Variants in NUP50 observed in about 807,000 individuals in gnomAD.
NUP50 encodes nuclear pore complex protein Nup50.
A neutral mutation model predicts 36.8 loss-of-function variants in NUP50; 14 were observed. The ratio of observed to expected loss-of-function variants is 0.38; its 90% CI spans 0.25 to 0.59. The LOEUF is 0.59. Among genes scored for constraint, NUP50 ranks in the 20% least tolerant of loss-of-function variants. The pLI is 0.63. For synonymous variants in NUP50, 195 were observed against 210.8 expected, an observed-to-expected ratio of 0.93 and a Z score of 0.65; for missense variants, 455 against 564.6, an observed-to-expected ratio of 0.81 and a Z score of 1.97.
chr22:45,169,746 G>T (rs1479817747), intron 2 of NUP50, among the ~76,000 whole-genome samples: 1 of 152,226 alleles, frequency 6.6e-6, no homozygotes, highest in Non-Finnish European at 1.5e-5. Context: ...GGTAACGCCA[G>T]TGCCTGGGAA....
intron 5 of NUP50, chr22:45,179,270 C>T (rs2074328614): frequency 5.4e-6 from 1 of 184,348 alleles, no homozygotes; most frequent in African/African-American, 2.4e-5. Context: ...TTGATTTGTA[C>T]TTAGGAGATC....
chr22:45,188,017 A>G lies in NUP50; in HGVS notation c.*3362A>G, dbSNP rs226515. 0.74 allele frequency: 112,588 copies of G among 152,264 alleles called. 42,140 individuals are homozygous for G. Among genetic ancestry groups the G allele is most frequent in the East Asian group, 0.99 (5,161 of 5,188 alleles). 9.4% of individuals were successfully genotyped at this position (152,264 alleles called of 1,614,324 possible). The stretch of plus-strand genomic sequence containing the variant: ...TAAATGAAAAGTAAACAAAATCCCA[A>G]TGTGTGAGTCTTATGTTCCTCTGTG... On this transcript the variant is annotated 3_prime_UTR_variant, in exon 8 of 8. Transcript: ENST00000347635.
At chr22:45,177,262 C>T (rs2074290448) in intron 4 of NUP50, among the ~76,000 whole-genome samples, 1 of 152,150 alleles carries the variant, frequency 6.6e-6, no homozygotes, top group Non-Finnish European at 1.5e-5. Flanking sequence ...CTCACTGCAG[C>T]CACAACCTCC....
At chr22:45,181,981 A>G (rs1362341105) in intron 6 of NUP50, among the ~76,000 whole-genome samples, 1 of 152,240 alleles carries the variant, frequency 6.6e-6, no homozygotes, top group Non-Finnish European at 1.5e-5. Context: ...TTTCCGAATA[A>G]TGAGCCAGCA....
At chr22:45,179,471 C>T (rs1363655541) in intron 5 of NUP50, among the ~76,000 whole-genome samples, 1 of 152,216 alleles carries the variant, frequency 6.6e-6, no homozygotes, top group South Asian at 2.1e-4. Context: ...AGACAAGGCA[C>T]AAGGTCTGGG....
At position 45,175,874 on chromosome 22, in the gene NUP50, GCTC is replaced by G. The variant is rs1259444609; in HGVS notation, c.154-14_154-12del. ...TAGAAAGTACACTTACCTAATGTGT[GCTC>G]CTCCTTCATACTTCAGTCTGACACT... On this transcript the variant is annotated splice_polypyrimidine_tract_variant and intron_variant, in intron 3 of 7. Transcript: ENST00000347635. The G allele has an allele frequency of 1.2e-6, 2 of 1,612,992 alleles. No homozygotes were observed. The highest frequency in any genetic ancestry group is 1.3e-5 in the African/African-American group (1 of 74,808).
intron 4 of NUP50, among the ~76,000 whole-genome samples, chr22:45,177,393 C>G (rs929521098): frequency 2.6e-5 from 4 of 152,114 alleles, no homozygotes; most frequent in East Asian, 1.9e-4. Context: ...GTTGCCCAGG[C>G]TGGTCTCAAA....
chr22:45,169,087 A>C (rs751403925), intron 2 of NUP50, among the ~76,000 whole-genome samples: 40 of 152,064 alleles, frequency 2.6e-4, no homozygotes, highest in Admixed American at 5.2e-4. Context: ...TTTTTAGTAG[A>C]GACAGGGATT....
At chr22:45,183,721 AATG>A (rs1176908222) in intron 7 of NUP50, 5 of 499,986 alleles carry the variant, frequency 1.0e-5, no homozygotes, top group Non-Finnish European at 1.8e-5. Flanking sequence ...CTGTAAACAA[AATG>A]ATTTTTCATT....
chr22:45,168,589 A>G (rs2074132030), intron 2 of NUP50, among the ~76,000 whole-genome samples: 1 of 152,186 alleles, frequency 6.6e-6, no homozygotes, highest in African/African-American at 2.4e-5. Context: ...TTTAGTCATG[A>G]CTGAAGGCTG....
intron 3 of NUP50, 75 bp from the exon 4 acceptor site, chr22:45,175,819 T>A: frequency 6.8e-7 from 1 of 1,467,364 alleles, no homozygotes; most frequent in Non-Finnish European, 9.4e-7. Flanking sequence ...TTAGCCAAGA[T>A]GCTGTTGTCA....
At chr22:45,168,599 G>C (rs555710207) in intron 2 of NUP50, among the ~76,000 whole-genome samples, 42 of 152,194 alleles carry the variant, frequency 2.8e-4, no homozygotes, top group Non-Finnish European at 5.7e-4. Context: ...ACTGAAGGCT[G>C]AGTTAAGTGA....
At position 45,186,865 on chromosome 22, in the gene NUP50, G is replaced by A. The variant is rs901863435; in HGVS notation, c.*2210G>A. On this transcript the variant is annotated 3_prime_UTR_variant, in exon 8 of 8. Coordinates refer to ENST00000347635, the MANE Select transcript of NUP50 (RefSeq NM_007172.4). ...TTGATTATTAGTGTAAAGAGCCTGA[G>A]TATACGTGGATTTCATTGTAAAATT... is the stretch of plus-strand genomic sequence containing the variant. The A allele has an allele frequency of 2.0e-5, 3 of 152,596 alleles. No homozygotes were observed. Among genetic ancestry groups the A allele is most frequent in the African/African-American group, 4.8e-5 (2 of 41,460 alleles). The allele number at this position is 152,596 out of a possible 1,614,324, so 9.5% of individuals were successfully genotyped here.
Position 45,186,883 on chromosome 22 carries a change from G to A in NUP50, c.*2228G>A, listed in dbSNP as rs754906078. 6 of 152,502 alleles carry A rather than the reference G, an allele frequency of 3.9e-5. No individual in the cohort carries two copies. The highest frequency in any genetic ancestry group is 5.9e-5 in the Non-Finnish European group (4 of 68,050). 9.4% of individuals were successfully genotyped at this position (152,502 alleles called of 1,614,324 possible). ...AGCCTGAGTATACGTGGATTTCATTGTAAAATTTAACTCCTTGTCTTTTAC... is the reference window on the plus strand; with the variant it reads ...AGCCTGAGTATACGTGGATTTCATTATAAAATTTAACTCCTTGTCTTTTAC... On this transcript the variant is annotated 3_prime_UTR_variant, in exon 8 of 8. Transcript: ENST00000347635.
chr22:45,169,817 C>T (rs766454836), intron 2 of NUP50, among the ~76,000 whole-genome samples: 6 of 152,182 alleles, frequency 3.9e-5, no homozygotes, highest in African/African-American at 1.4e-4. Context: ...AGTCAGGGAA[C>T]ACTCTGCTCC....
chr22:45,180,657 C>T (rs192669350), intron 5 of NUP50, among the ~76,000 whole-genome samples: 3 of 152,266 alleles, frequency 2.0e-5, no homozygotes, highest in Admixed American at 1.3e-4. Flanking sequence ...GGATTACAGG[C>T]GTGAGCCACT....
At chr22:45,183,841 GACTA>G (rs1253152790) in intron 7 of NUP50, 14 of 280,522 alleles carry the variant, frequency 5.0e-5, no homozygotes, top group South Asian at 2.5e-4. Flanking sequence ...AGCAAGTAAT[GACTA>G]ACTGCTTGCT....
chr22:45,179,167 G>C (rs948703681), intron 5 of NUP50: 5 of 344,244 alleles, frequency 1.5e-5, no homozygotes, highest in African/African-American at 8.5e-5. Context: ...AACACACATG[G>C]TTTAGCATAT....
intron 5 of NUP50, among the ~76,000 whole-genome samples, chr22:45,180,570 G>T (rs1272072227): frequency 1.3e-5 from 2 of 152,102 alleles, no homozygotes; most frequent in East Asian, 3.9e-4. Context: ...GATGGGGGGC[G>T]TCTCACCATG....
Sources: allele counts gnomAD v4.1 joint callset (sites outside exome capture counted in the v4.1 genomes callset), GRCh38; gene constraint gnomAD v4.1.1; transcripts MANE v1.5; gene names NCBI Gene and HGNC (gene_info 2026-07-23, HGNC 2026-07-21).